The following MAN2A1 variants were observed in gnomAD, a reference collection of about 807,000 sequenced individuals.
The protein encoded by MAN2A1 is mannosidase alpha class 2A member 1.
MAN2A1 carries 76 observed loss-of-function variants against 142.6 expected under a neutral mutation model. The observed-to-expected ratio is 0.53, with a 90% CI of 0.44 to 0.65. MAN2A1 has a LOEUF of 0.65. MAN2A1 is among the 30% of genes least tolerant of loss of function. The probability of loss-of-function intolerance (pLI) is 0.00; values close to 1 mark genes in which losing one functional copy is unlikely to be tolerated. For missense variants in MAN2A1, 1,311 were observed against 1,365.1 expected (o/e 0.96, Z 0.62); for synonymous variants, 559 against 473.2 (o/e 1.18, Z -2.35).
At chr5:109,704,671 C>T (rs1166641703) in intron 1 of MAN2A1, among the ~76,000 whole-genome samples, 1 of 152,142 alleles carries the variant, frequency 6.6e-6, no homozygotes, top group Non-Finnish European at 1.5e-5. Context: ...TGACTAAAGG[C>T]AGGGTTTTTC....
chr5:109,726,151 T>G (rs1464268994), intron 3 of MAN2A1, among the ~76,000 whole-genome samples: 1 of 152,212 alleles, frequency 6.6e-6, no homozygotes, highest in Non-Finnish European at 1.5e-5. Context: ...AATTGACCAC[T>G]TAAGTAAATC....
intron 1 of MAN2A1, among the ~76,000 whole-genome samples, chr5:109,712,163 T>C (rs1418158582): frequency 6.6e-6 from 1 of 152,054 alleles, no homozygotes; most frequent in Non-Finnish European, 1.5e-5. Context: ...CTGGCATAGT[T>C]TGCTCAAATG....
chr5:109,859,552 C>T (rs1254734502), intron 20 of MAN2A1, among the ~76,000 whole-genome samples: 2 of 152,206 alleles, frequency 1.3e-5, no homozygotes, highest in Non-Finnish European at 2.9e-5. Context: ...TCCTTGATCA[C>T]ACCTTTCCCC....
intron 5 of MAN2A1, among the ~76,000 whole-genome samples, chr5:109,766,723 T>C (rs1753002120): frequency 6.7e-6 from 1 of 148,496 alleles, no homozygotes; most frequent in Non-Finnish European, 1.5e-5. Context: ...ATATTACTTA[T>C]GTCAGTTTAT....
At chr5:109,768,469 A>G (rs1341132889) in intron 6 of MAN2A1, among the ~76,000 whole-genome samples, 2 of 152,302 alleles carry the variant, frequency 1.3e-5, no homozygotes, top group East Asian at 1.9e-4. Context: ...CATATAGGTC[A>G]TGCATAGAGA....
At chr5:109,832,814 GCTGTCCCCC>G (rs1561535013) in intron 16 of MAN2A1, among the ~76,000 whole-genome samples, 10 of 151,814 alleles carry the variant, frequency 6.6e-5, no homozygotes, top group African/African-American at 2.2e-4. Flanking sequence ...CTGGGTGGGG[GCTGTCCCCC>G]ACCTCCTGGA....
In MAN2A1 at chr5:109,820,343, G is replaced by C; in HGVS notation, c.2451+1G>C. ...CTTCTTACCTGATGGTAATGCCAAG[G>C]TAAGTGGTACTGATGAGATGACAAA... On this transcript the variant is annotated splice_donor_variant, in intron 15 of 21. Coordinates refer to ENST00000261483, the MANE Select transcript of MAN2A1 (RefSeq NM_002372.4). LOFTEE classifies it high-confidence loss of function. The C allele has an allele frequency of 6.2e-7, 1 of 1,611,460 alleles. No individual in the cohort carries two copies. The highest frequency in any genetic ancestry group is 8.5e-7 in the Non-Finnish European group (1 of 1,179,046).
rs997558290 is a variant in MAN2A1 at position 109,842,356 on chromosome 5, C to T, written c.2595C>T (p.Ser865=). 1.9e-6 allele frequency: 3 copies of T among 1,579,916 alleles called. No individual in the cohort carries two copies. In the African/African-American group the frequency reaches 4.1e-5, roughly 22 times the overall value. The part of the protein sequence containing the change: ...QGIEGQSVEV[S]NIVDIRKVYN... ...TAGAAGGACAGTCTGTGGAAGTTTC[C>T]AATATTGTGGACATCCGAAAAGTAT... The change falls in exon 17 of 22, where the codon TCC becomes TCT. Residue 865 remains serine (S), a synonymous_variant. Transcript: ENST00000261483.
chr5:109,706,533 G>A (rs182031516), intron 1 of MAN2A1, among the ~76,000 whole-genome samples: 11 of 152,322 alleles, frequency 7.2e-5, no homozygotes, highest in Admixed American at 5.9e-4. Flanking sequence ...TGGCCAATAA[G>A]TGCGGAAACT....
chr5:109,708,980 G>T (rs903762875), intron 1 of MAN2A1, among the ~76,000 whole-genome samples: 2 of 152,150 alleles, frequency 1.3e-5, no homozygotes, highest in Non-Finnish European at 2.9e-5. Context: ...TACACCTGGG[G>T]CAGCTCAATA....
At chr5:109,846,743 C>T (rs1244374944) in intron 18 of MAN2A1, among the ~76,000 whole-genome samples, 1 of 152,164 alleles carries the variant, frequency 6.6e-6, no homozygotes, top group Non-Finnish European at 1.5e-5. Flanking sequence ...CCACTTTTTA[C>T]ATGAGGCGTA....
At position 109,869,306 on chromosome 5, in the gene MAN2A1, T is replaced by C. The variant is rs1755955763; in HGVS notation, c.*2308T>C. ...GTTGACCAAGTAGTTCAGTGTTTTC[T>C]TTCCTTTTTTTGGAAATTTTAGTTT... is the stretch of plus-strand genomic sequence containing the variant. On this transcript the variant is annotated 3_prime_UTR_variant, in exon 22 of 22. Coordinates refer to ENST00000261483, the MANE Select transcript of MAN2A1 (RefSeq NM_002372.4). 6.6e-6 allele frequency: 1 copy of C among 152,214 alleles called. No homozygotes were observed. Among genetic ancestry groups the C allele is most frequent in the Non-Finnish European group, 1.5e-5 (1 of 68,050 alleles). The allele number at this position is 152,214 out of a possible 1,614,324, so 9.4% of individuals were successfully genotyped here. A position where few individuals can be genotyped will look rare whatever the true frequency, so the allele number is the denominator to read the frequency against.
intron 4 of MAN2A1, among the ~76,000 whole-genome samples, chr5:109,731,112 T>C (rs1248670877): frequency 6.6e-6 from 1 of 152,080 alleles, no homozygotes; most frequent in Non-Finnish European, 1.5e-5. Flanking sequence ...TGTACATGTT[T>C]ATGGGGTACA....
chr5:109,864,250 C>T (rs1009485921), intron 20 of MAN2A1: 8 of 152,168 alleles, frequency 5.3e-5, no homozygotes, highest in Non-Finnish European at 7.3e-5. Flanking sequence ...TAAACACCTT[C>T]CAACTTTAGG....
At chr5:109,700,688 C>G (rs1245972695) in intron 1 of MAN2A1, among the ~76,000 whole-genome samples, 1 of 152,142 alleles carries the variant, frequency 6.6e-6, no homozygotes, top group Admixed American at 6.5e-5. Flanking sequence ...AGGCTGGGTC[C>G]TTCCAGGTCA....
At chr5:109,769,875 A>G (rs950284183) in intron 6 of MAN2A1, among the ~76,000 whole-genome samples, 2 of 152,072 alleles carry the variant, frequency 1.3e-5, no homozygotes, top group Admixed American at 6.5e-5. Flanking sequence ...CAGTGTTTTT[A>G]TAAGTCTATG....
intron 16 of MAN2A1, among the ~76,000 whole-genome samples, chr5:109,825,693 T>A (rs932052167): frequency 6.6e-6 from 1 of 151,970 alleles, no homozygotes; most frequent in Non-Finnish European, 1.5e-5. Context: ...ATGCTTGTCA[T>A]TTTTCCTTTC....
chr5:109,747,152 T>A (rs376065615), intron 4 of MAN2A1, among the ~76,000 whole-genome samples: 3 of 152,292 alleles, frequency 2.0e-5, no homozygotes, highest in South Asian at 2.1e-4. Context: ...AGGTCCCTTC[T>A]TTCCATCTCC....
chr5:109,775,674 T>C (rs1366586271), intron 8 of MAN2A1, among the ~76,000 whole-genome samples: 1 of 152,138 alleles, frequency 6.6e-6, no homozygotes, highest in Non-Finnish European at 1.5e-5. Context: ...AGGTTTCATA[T>C]AGTTTCACCT....
Sources: gnomAD v4.1 joint callset for allele counts (sites outside exome capture counted in the v4.1 genomes callset) on GRCh38, gnomAD v4.1.1 for gene constraint, MANE v1.5 for transcripts, NCBI Gene and HGNC (gene_info 2026-07-23, HGNC 2026-07-21) for gene names.